Variants in DOCK2 observed in about 807,000 individuals in gnomAD.
DOCK2 encodes the protein dedicator of cytokinesis 2.
In DOCK2, 87 loss-of-function variants were observed where a neutral mutation model predicts 248.9. The observed-to-expected ratio is 0.35, with a 90% CI of 0.29 to 0.42. The LOEUF (loss-of-function observed/expected upper bound fraction) is 0.42. Among genes scored for constraint, DOCK2 ranks in the 10% least tolerant of loss-of-function variants. The probability of loss-of-function intolerance (pLI) is 1.00; values close to 1 mark genes in which losing one functional copy is unlikely to be tolerated. For synonymous variants in DOCK2, 805 were observed against 821.6 expected (o/e 0.98, Z 0.35); for missense variants, 1,747 against 2,300.2 (o/e 0.76, Z 4.92).
intron 46 of DOCK2, among the ~76,000 whole-genome samples, chr5:170,071,695 C>T (rs1339414471): frequency 1.3e-5 from 2 of 152,202 alleles, no homozygotes; most frequent in Admixed American, 6.5e-5. Flanking sequence ...CTGCTAGCTC[C>T]CCTAATCCTA....
At chr5:169,973,457 T>C (rs1777600393) in intron 27 of DOCK2, among the ~76,000 whole-genome samples, 1 of 152,174 alleles carries the variant, frequency 6.6e-6, no homozygotes, top group Non-Finnish European at 1.5e-5. Context: ...ACCCTCTGCA[T>C]GTGTCTTCTA....
At chr5:169,788,388 G>A (rs971608536) in intron 25 of DOCK2, among the ~76,000 whole-genome samples, 3 of 152,152 alleles carry the variant, frequency 2.0e-5, no homozygotes. Flanking sequence ...ACAGTCAAGT[G>A]ACTTGAAACC....
In DOCK2 at chr5:170,080,237, C is replaced by T. The variant is rs749990046; in HGVS notation, c.5241C>T (p.Val1747=). The part of the protein sequence containing the change: ...EHAAIPLKAS[V]LSQMSFASQS... The stretch of plus-strand genomic sequence containing the variant: ...CGGCCATCCCCCTCAAGGCGTCTGT[C>T]CTCTCTCAAATGAGCTTTGCCAGCC... The change falls in exon 50 of 52, where the codon GTC becomes GTT. Residue 1747 remains valine (V), a synonymous_variant. Coordinates refer to ENST00000520908, the MANE Select transcript of DOCK2 (RefSeq NM_004946.3). 1.9e-5 allele frequency: 30 copies of T among 1,614,076 alleles called. No homozygotes were observed. Among genetic ancestry groups the T allele is most frequent in the Non-Finnish European group, 2.2e-5 (26 of 1,180,050 alleles).
At chr5:169,848,101 GAA>G (rs1432936478) in intron 27 of DOCK2, among the ~76,000 whole-genome samples, 1 of 152,154 alleles carries the variant, frequency 6.6e-6, no homozygotes, top group East Asian at 1.9e-4. Context: ...GTGCCCATAA[GAA>G]AGAAAACTTG....
rs371264304 is a variant in DOCK2, at chr5:169,846,584, G to GTATATA, written c.2799+5741_2799+5746dup. ...AAGGGAGCATGGTTTGATAGAAAGT[G>GTATATA]TATATATATATATACACACACATAT... On this transcript the variant is annotated intron_variant, in intron 27 of 51. Transcript: ENST00000520908. Among the ~76,000 whole-genome samples, 35 of 138,622 alleles carry GTATATA rather than the reference G, an allele frequency of 2.5e-4. 1 individual carries two copies. Among genetic ancestry groups the GTATATA allele is most frequent in the South Asian group, 1.8e-3 (8 of 4,418 alleles). The allele number at this position is 138,622 out of a possible 152,430, so 90.9% of individuals were successfully genotyped here. A position where few individuals can be genotyped will look rare whatever the true frequency, so the allele number is the denominator to read the frequency against.
At position 169,852,707 on chromosome 5, in the gene DOCK2, C is replaced by A. The variant is rs78371794; in HGVS notation, c.2799+11855C>A. On this transcript the variant is annotated intron_variant, in intron 27 of 51. Transcript: ENST00000520908. Reference sequence around the variant, plus strand: ...TAGCCATTATTATTCCTCTTGTGGGCTCCTCTCCCTGCTTTGACACAAGTG... The same window carrying A: ...TAGCCATTATTATTCCTCTTGTGGGATCCTCTCCCTGCTTTGACACAAGTG... Among the ~76,000 whole-genome samples, 764 of 152,338 alleles carry A rather than the reference C, an allele frequency of 5.0e-3. 6 individuals are homozygous for A. The highest frequency in any genetic ancestry group is 0.016 in the African/African-American group (685 of 41,572).
In DOCK2 at chr5:169,907,934, A is replaced by G. The variant is rs188064763; in HGVS notation, c.2799+67082A>G. 2.3e-3 allele frequency among the ~76,000 whole-genome samples: 348 copies of G among 152,368 alleles called. 2 individuals are homozygous for G. The highest frequency in any genetic ancestry group is 7.9e-3 in the African/African-American group (330 of 41,580). On this transcript the variant is annotated intron_variant, in intron 27 of 51. Transcript: ENST00000520908. ...CCGTGTCGGTAAACATCTCTTGTGCAGGCACTTCTTGCCAAAACATTTTGC... is the reference window on the plus strand; with the variant it reads ...CCGTGTCGGTAAACATCTCTTGTGCGGGCACTTCTTGCCAAAACATTTTGC...
chr5:169,702,056 C>A, intron 13 of DOCK2: 1 of 326,256 alleles, frequency 3.1e-6, no homozygotes, highest in Non-Finnish European at 5.7e-6. Flanking sequence ...TCGAGAAAAA[C>A]ATGGCCAATT....
chr5:169,840,973 G>T (rs1008973769), intron 27 of DOCK2, 121 bp downstream of exon 27: 94 of 1,116,836 alleles, frequency 8.4e-5, no homozygotes, highest in Non-Finnish European at 2.6e-6. Flanking sequence ...TTTGGAGTAG[G>T]GTGACCAGAT....
intron 44 of DOCK2, among the ~76,000 whole-genome samples, chr5:170,058,029 C>A (rs939479831): frequency 6.6e-6 from 1 of 152,110 alleles, no homozygotes; most frequent in Admixed American, 6.5e-5. Flanking sequence ...CTTGGGGGCA[C>A]CTGTGCAGTA....
intron 44 of DOCK2, among the ~76,000 whole-genome samples, chr5:170,062,682 G>A (rs1018029299): frequency 6.6e-6 from 1 of 152,132 alleles, no homozygotes; most frequent in Admixed American, 6.5e-5. Context: ...AGACTGCGCA[G>A]AGTTAGACAT....
chr5:170,075,035 C>G (rs1293466632), intron 46 of DOCK2, among the ~76,000 whole-genome samples: 3 of 152,172 alleles, frequency 2.0e-5, no homozygotes, highest in African/African-American at 7.2e-5. Context: ...TGAATGTCTC[C>G]AAGTTTCACT....
chr5:170,035,492 A>T (rs1756293595), intron 35 of DOCK2, among the ~76,000 whole-genome samples: 1 of 152,212 alleles, frequency 6.6e-6, no homozygotes, highest in African/African-American at 2.4e-5. Context: ...TTCATTGCTA[A>T]TAACTCCACC....
At chr5:169,778,447 G>T (rs1765505710) in intron 25 of DOCK2, among the ~76,000 whole-genome samples, 1 of 152,208 alleles carries the variant, frequency 6.6e-6, no homozygotes, top group Admixed American at 6.5e-5. Context: ...TCAGCAGTGT[G>T]CTCTTATTGC....
chr5:169,777,927 G>T (rs1765473971), intron 25 of DOCK2, among the ~76,000 whole-genome samples: 1 of 152,226 alleles, frequency 6.6e-6, no homozygotes, highest in African/African-American at 2.4e-5. Flanking sequence ...TTCCAACTTA[G>T]AGAATGAATT....
chr5:169,694,185 G>T (rs1760470051), intron 9 of DOCK2, among the ~76,000 whole-genome samples: 1 of 152,226 alleles, frequency 6.6e-6, no homozygotes, highest in South Asian at 2.1e-4. Flanking sequence ...TGGCAGCTGT[G>T]CCTTGGTCCT....
chr5:169,887,856 A>T (rs979985179), intron 27 of DOCK2, among the ~76,000 whole-genome samples: 1 of 152,208 alleles, frequency 6.6e-6, no homozygotes, highest in Non-Finnish European at 1.5e-5. Context: ...CCATTACTGC[A>T]TGAGAAGGTC....
intron 22 of DOCK2, among the ~76,000 whole-genome samples, chr5:169,729,775 G>GGGTA (rs1762671462): frequency 1.3e-5 from 2 of 152,120 alleles, no homozygotes; most frequent in African/African-American, 4.8e-5. Flanking sequence ...TGAGGGTGGG[G>GGGTA]GGTAGCAGAG....
chr5:170,030,443 C>T (rs1025145097), intron 34 of DOCK2, among the ~76,000 whole-genome samples: 2 of 152,028 alleles, frequency 1.3e-5, no homozygotes, highest in African/African-American at 4.8e-5. Flanking sequence ...ATTATCGAGC[C>T]CTTAGAGTTT....
Sources: gnomAD v4.1 joint callset for allele counts (sites outside exome capture counted in the v4.1 genomes callset) on GRCh38, gnomAD v4.1.1 for gene constraint, MANE v1.5 for transcripts, NCBI Gene and HGNC (gene_info 2026-07-23, HGNC 2026-07-21) for gene names.